TGM7: variants seen among roughly 807,000 people sequenced by gnomAD.
TGM7 encodes protein-glutamine gamma-glutamyltransferase Z.
TGM7 carries 74 observed loss-of-function variants against 79.5 expected under a neutral mutation model. The ratio of observed to expected loss-of-function variants is 0.93; its 90% CI spans 0.77 to 1.13. The LOEUF is 1.13. TGM7 is among the 50% of genes most tolerant of loss of function. TGM7 has a pLI of 0.00. For missense variants in TGM7, 912 were observed against 905.9 expected, an observed-to-expected ratio of 1.01 and a Z score of -0.09; for synonymous variants, 354 against 362.5, an observed-to-expected ratio of 0.98 and a Z score of 0.27.
At position 43,292,735 on chromosome 15, in the gene TGM7, A is replaced by G. The variant is rs1318546153; in HGVS notation, c.413T>C (p.Ile138Thr). The G allele has an allele frequency of 1.9e-6, 3 of 1,614,056 alleles. No homozygotes were observed. The highest frequency in any genetic ancestry group is 2.7e-5 in the African/African-American group (2 of 74,950). Reference sequence around the variant, plus strand: ...TGGACTCCAAGGGTTAAAAAGTAGGATGAAAGTTCCCAGCGGGTAAGTCAC... The same window carrying G: ...TGGACTCCAAGGGTTAAAAAGTAGGGTGAAAGTTCCCAGCGGGTAAGTCAC... ...HSVTYPLGTF[I>T]LLFNPWSPED... is the part of the protein sequence containing the mutation. The change falls in exon 3 of 13, where the codon ATC becomes ACC. Residue 138 changes from isoleucine to threonine, a missense_variant. Coordinates refer to ENST00000452443, the MANE Select transcript of TGM7 (RefSeq NM_052955.3).
chr15:43,298,618 T>C (rs1015110415), intron 1 of TGM7, among the ~76,000 whole-genome samples: 1 of 151,964 alleles, frequency 6.6e-6, no homozygotes, highest in Admixed American at 6.5e-5. Context: ...CTGGGCATGG[T>C]GGTGGGTGCC....
At chr15:43,301,089 C>T (rs1196241934) in intron 1 of TGM7, among the ~76,000 whole-genome samples, 2 of 152,012 alleles carry the variant, frequency 1.3e-5, no homozygotes, top group African/African-American at 4.8e-5. Flanking sequence ...CTCATGCAGT[C>T]CTCCCGCCTC....
intron 1 of TGM7, among the ~76,000 whole-genome samples, chr15:43,300,284 C>CA (rs1273232273): frequency 6.6e-6 from 1 of 152,164 alleles, no homozygotes; most frequent in Non-Finnish European, 1.5e-5. Flanking sequence ...TGTAACTACC[C>CA]AATTCCATAT....
chr15:43,279,903 A>G lies in TGM7; in HGVS notation c.1400T>C (p.Leu467Pro). Reference protein sequence around the residue: ...AVFMKASRKMLGPQRASLPFL... With the variant: ...AVFMKASRKMPGPQRASLPFL... ...GGGCAAAGAAGCTCTTTGGGGGCCC[A>G]GCATTTTCCGAGAAGCCTTCATGAA... The change falls in exon 10 of 13, where the codon CTG becomes CCG. Residue 467 changes from leucine (L) to proline (P), a missense_variant. By Grantham distance (98) the Leu-to-Pro change is moderately conservative. Transcript: ENST00000452443. The G allele has an allele frequency of 6.2e-7, 1 of 1,614,224 alleles. No homozygotes were observed.
intron 4 of TGM7, 82 bp downstream of exon 4, chr15:43,291,897 T>C (rs1485670570): frequency 5.8e-6 from 6 of 1,030,840 alleles, no homozygotes; most frequent in Non-Finnish European, 9.0e-6. Flanking sequence ...GGCTGTGTAA[T>C]ATAACAGCCT....
chr15:43,281,372 G>A (rs1476357471), intron 9 of TGM7, among the ~76,000 whole-genome samples: 1 of 152,224 alleles, frequency 6.6e-6, no homozygotes, highest in Non-Finnish European at 1.5e-5. Context: ...CGCTCCCCTT[G>A]CCATGGACAT....
chr15:43,291,270 T>C (rs2042962319), intron 4 of TGM7, among the ~76,000 whole-genome samples: 1 of 152,232 alleles, frequency 6.6e-6, no homozygotes, highest in Non-Finnish European at 1.5e-5. Context: ...GTTTTTAGCA[T>C]GAAGGTTGTT....
chr15:43,292,710 T>C lies in TGM7; in HGVS notation c.438A>G (p.Pro146=), dbSNP rs748490117. 3.1e-6 allele frequency: 5 copies of C among 1,614,060 alleles called. No individual in the cohort carries two copies. The highest frequency in any genetic ancestry group is 2.2e-5 in the South Asian group (2 of 91,084). Residue 146 remains proline, a splice_region_variant and synonymous_variant, in exon 3 of 13, where the codon CCA becomes CCG. Transcript: ENST00000452443. ...TFILLFNPWS[P]EDDVYLPSEI... ...ATACAAGCTGTGGGCACATCCTACC[T>C]GGACTCCAAGGGTTAAAAAGTAGGA... is the stretch of plus-strand genomic sequence containing the variant.
Position 43,285,390 on chromosome 15 carries a change from G to A in TGM7, c.866-438C>T, listed in dbSNP as rs191343216. Among the ~76,000 whole-genome samples, 5 of 152,328 alleles carry A rather than the reference G, an allele frequency of 3.3e-5. No individual in the cohort carries two copies. In the East Asian group the frequency reaches 5.8e-4, roughly 18 times the overall value. On this transcript the variant is annotated intron_variant, in intron 6 of 12. Coordinates refer to ENST00000452443, the MANE Select transcript of TGM7 (RefSeq NM_052955.3). Reference sequence around the variant, plus strand: ...CTACTAAAAATACAAAAAAAAATTAGCTGGGTGTGGTGGTGCATGCCTGCA... The same window carrying A: ...CTACTAAAAATACAAAAAAAAATTAACTGGGTGTGGTGGTGCATGCCTGCA...
In TGM7 at chr15:43,302,242, C is replaced by G. The variant is rs1160742108; in HGVS notation, c.9G>C (p.Gln3His). The change falls in exon 1 of 13, where the codon CAG (glutamine) becomes CAC (histidine). Residue 3 changes from glutamine (Q) to histidine (H), a missense_variant and splice_region_variant. Gln to His is a conservative substitution (Grantham distance 24, BLOSUM62 0). Coordinates refer to ENST00000452443, the MANE Select transcript of TGM7 (RefSeq NM_052955.3). ...GGTAAGTCGATTCCCAGTACTCACCCTGATCCATCTCCCTCCTTCTCCTGT... is the reference window on the plus strand; with the variant it reads ...GGTAAGTCGATTCCCAGTACTCACCGTGATCCATCTCCCTCCTTCTCCTGT... MD[Q>H]VATLRLESVD... The G allele has an allele frequency of 6.2e-7, 1 of 1,614,052 alleles. No homozygotes were observed. Among genetic ancestry groups the G allele is most frequent in the African/African-American group, 1.3e-5 (1 of 74,930 alleles).
chr15:43,284,459 G>T (rs1217923938), intron 7 of TGM7, among the ~76,000 whole-genome samples: 1 of 152,178 alleles, frequency 6.6e-6, no homozygotes, highest in Non-Finnish European at 1.5e-5. Context: ...GAAGCAGCCA[G>T]TCCAGGCTCT....
intron 4 of TGM7, 123 bp from the exon 5 acceptor site, chr15:43,287,792 G>T: frequency 8.8e-6 from 10 of 1,139,750 alleles, no homozygotes; most frequent in South Asian, 1.6e-5. Flanking sequence ...GGGGGAGGGC[G>T]CTAAATATAA....
At chr15:43,290,863 T>C (rs1303415015) in intron 4 of TGM7, among the ~76,000 whole-genome samples, 2 of 152,162 alleles carry the variant, frequency 1.3e-5, no homozygotes, top group Admixed American at 1.3e-4. Flanking sequence ...TTGACTCTGT[T>C]TGTCTGTTAT....
Position 43,292,749 on chromosome 15 carries a change from C to A in TGM7, c.399G>T (p.Pro133=), listed in dbSNP as rs557114118. The change falls in exon 3 of 13, where the codon CCG becomes CCT. Residue 133 remains proline (P), a synonymous_variant. Transcript: ENST00000452443. ...SQGQGHSVTY[P]LGTFILLFNP... Reference sequence around the variant, plus strand: ...TAAAAAGTAGGATGAAAGTTCCCAGCGGGTAAGTCACACTGTGACCTTGGC... The same window carrying A: ...TAAAAAGTAGGATGAAAGTTCCCAGAGGGTAAGTCACACTGTGACCTTGGC... The A allele has an allele frequency of 6.2e-7, 1 of 1,614,128 alleles. No individual in the cohort carries two copies.
chr15:43,276,762 A>G (rs2142399083), intron 12 of TGM7, 100 bp downstream of exon 12: 1 of 1,546,112 alleles, frequency 6.5e-7, no homozygotes, highest in Non-Finnish European at 8.7e-7. Flanking sequence ...AAGTGGGGGC[A>G]GAGAGGCACT....
chr15:43,288,495 T>C (rs1017820282), intron 4 of TGM7, among the ~76,000 whole-genome samples: 4 of 152,168 alleles, frequency 2.6e-5, no homozygotes, highest in Admixed American at 6.5e-5. Context: ...AGAATTACTA[T>C]TCTTTTTTTT....
At chr15:43,290,030 T>C (rs569018406) in intron 4 of TGM7, among the ~76,000 whole-genome samples, 1 of 152,336 alleles carries the variant, frequency 6.6e-6, no homozygotes, top group East Asian at 1.9e-4. Flanking sequence ...CTTACTCTGA[T>C]GGTAGTTTCT....
intron 1 of TGM7, among the ~76,000 whole-genome samples, chr15:43,295,630 G>A (rs1316937076): frequency 6.6e-6 from 1 of 152,196 alleles, no homozygotes; most frequent in Non-Finnish European, 1.5e-5. Flanking sequence ...GGGCATAGCT[G>A]TTCAACTGCT....
At chr15:43,286,859 C>G (rs2042938020) in intron 6 of TGM7, among the ~76,000 whole-genome samples, 1 of 152,182 alleles carries the variant, frequency 6.6e-6, no homozygotes, top group Non-Finnish European at 1.5e-5. Context: ...GCTCAAGGAT[C>G]TCTCAGTGAA....
Sources: allele counts gnomAD v4.1 joint callset (sites outside exome capture counted in the v4.1 genomes callset), GRCh38; gene constraint gnomAD v4.1.1; transcripts MANE v1.5; gene names NCBI Gene and HGNC (gene_info 2026-07-23, HGNC 2026-07-21).